The following COL25A1 variants were observed in gnomAD, a reference collection of about 807,000 sequenced individuals.
COL25A1 encodes collagen type XXV alpha 1 chain, also known as collagen alpha-1(XXV) chain.
Under a neutral mutation model 128.4 loss-of-function variants are expected in COL25A1, and 103 were observed. The observed-to-expected ratio is 0.80, with a 90% CI of 0.68 to 0.94. The LOEUF is 0.94. Among genes scored for constraint, COL25A1 ranks in the 40% least tolerant of loss-of-function variants. The probability of loss-of-function intolerance (pLI) is 0.00; values close to 1 mark genes in which losing one functional copy is unlikely to be tolerated. For synonymous variants in COL25A1, 279 were observed against 277.2 expected (o/e 1.01, Z -0.06); for missense variants, 745 against 840.0 (o/e 0.89, Z 1.40).
In COL25A1 at chr4:109,101,265, G is replaced by A. The variant is rs1765865561; in HGVS notation, c.368-51086C>T. On this transcript the variant is annotated intron_variant, in intron 3 of 37. Transcript: ENST00000399132. ...TGTGATTTCTCCATGACAGTAATGA[G>A]AGAGGTAGAAGCTGGGGAGGAATGC... Among the ~76,000 whole-genome samples the A allele has an allele frequency of 1.3e-5, 2 of 152,198 alleles. 1 individual carries two copies. The highest frequency in any genetic ancestry group is 4.1e-4 in the South Asian group (2 of 4,826).
At chr4:108,983,236 T>C (rs1753199649) in intron 6 of COL25A1, among the ~76,000 whole-genome samples, 1 of 152,186 alleles carries the variant, frequency 6.6e-6, no homozygotes, top group Non-Finnish European at 1.5e-5. Context: ...AACTCCATGG[T>C]GAAAGACTTG....
At chr4:109,027,803 G>A (rs890135814) in intron 5 of COL25A1, among the ~76,000 whole-genome samples, 6 of 152,100 alleles carry the variant, frequency 3.9e-5, no homozygotes, top group African/African-American at 1.4e-4. Flanking sequence ...TAGAGCAGTG[G>A]AGCTGCTCTT....
rs1178486433 is a variant in COL25A1, at chr4:109,239,388, GTGTGTGTA to G, written c.367+61187_367+61194del. Among the ~76,000 whole-genome samples the G allele has an allele frequency of 1.9e-3, 169 of 90,154 alleles. No homozygotes were observed. In the East Asian group the frequency reaches 0.021, roughly 11 times the overall value. The allele number at this position is 90,154 out of a possible 152,430, so 59.1% of individuals were successfully genotyped here. A position where few individuals can be genotyped will look rare whatever the true frequency, so the allele number is the denominator to read the frequency against. On this transcript the variant is annotated intron_variant, in intron 3 of 37. Transcript: ENST00000399132. ...TATATGTGTGTGTATGTGTGTGTGT[GTGTGTGTA>G]TATATATATATATATATATATATAT... is the stretch of plus-strand genomic sequence containing the variant.
At chr4:108,829,344 AC>A (rs1173385954) in intron 32 of COL25A1, among the ~76,000 whole-genome samples, 1 of 152,098 alleles carries the variant, frequency 6.6e-6, no homozygotes, top group Non-Finnish European at 1.5e-5. Flanking sequence ...CTCTAAAAAA[AC>A]AACCAAACAA....
At chr4:109,261,187 A>T (rs953865879) in intron 3 of COL25A1, among the ~76,000 whole-genome samples, 2 of 152,192 alleles carry the variant, frequency 1.3e-5, no homozygotes, top group East Asian at 3.8e-4. Flanking sequence ...TCTAGACATT[A>T]TAAGTGATAA....
rs1241749029 is a variant in COL25A1, at chr4:108,844,541, G to A, written c.1607C>T (p.Pro536Leu). The A allele has an allele frequency of 6.2e-7, 1 of 1,613,558 alleles. No homozygotes were observed. The highest frequency in any genetic ancestry group is 1.7e-5 in the Admixed American group (1 of 59,956). The change falls in exon 30 of 38, where the codon CCC becomes CTC. Residue 536 changes from proline (P) to leucine (L), a missense_variant. Coordinates refer to ENST00000399132, the MANE Select transcript of COL25A1 (RefSeq NM_198721.4). ...TACCATGGGGCCAGGTGGGCCATGG[G>A]GACCTGGTGGGCCTGGTGGGCCTAT... Reference protein sequence around the residue: ...SIIGPPGPPGPHGPPGPMGPH... With the variant: ...SIIGPPGPPGLHGPPGPMGPH...
chr4:109,164,753 T>C (rs1772908790), intron 3 of COL25A1, among the ~76,000 whole-genome samples: 1 of 152,178 alleles, frequency 6.6e-6, no homozygotes, highest in South Asian at 2.1e-4. Flanking sequence ...TATGAGAATG[T>C]TTTTGTTCTT....
intron 3 of COL25A1, among the ~76,000 whole-genome samples, chr4:109,281,719 G>A (rs2126275590): frequency 6.6e-6 from 1 of 152,186 alleles, no homozygotes; most frequent in South Asian, 2.1e-4. Context: ...AACAGAAAAA[G>A]CCACTTCCAA....
At chr4:108,974,499 T>TAG in intron 7 of COL25A1, 34 bp downstream of exon 7, 1 of 1,610,274 alleles carries the variant, frequency 6.2e-7, no homozygotes, top group Non-Finnish European at 8.5e-7. Flanking sequence ...ATATGGATCT[T>TAG]CACTAACTTT....
At chr4:109,270,629 T>C (rs1470747038) in intron 3 of COL25A1, among the ~76,000 whole-genome samples, 2 of 152,238 alleles carry the variant, frequency 1.3e-5, no homozygotes, top group Admixed American at 1.3e-4. Flanking sequence ...ACTTGGTTAC[T>C]TCTCCACTCT....
Position 108,810,360 on chromosome 4 carries a change from T to C in COL25A1, c.*3567A>G, listed in dbSNP as rs1268208927. The C allele has an allele frequency of 2.0e-5, 3 of 151,962 alleles. No homozygotes were observed. Among genetic ancestry groups the C allele is most frequent in the African/African-American group, 4.8e-5 (2 of 41,442 alleles). The allele number at this position is 151,962 out of a possible 1,614,324, so 9.4% of individuals were successfully genotyped here. A position where few individuals can be genotyped will look rare whatever the true frequency, so the allele number is the denominator to read the frequency against. On this transcript the variant is annotated 3_prime_UTR_variant, in exon 38 of 38. Transcript: ENST00000399132. ...ACAAAGGACATGTAGTATAAACTAG[T>C]TGATGTGTAAGTTCTTGCTGTCCCA...
intron 13 of COL25A1, among the ~76,000 whole-genome samples, chr4:108,901,905 G>A (rs1742893511): frequency 6.6e-6 from 1 of 151,986 alleles, no homozygotes; most frequent in Non-Finnish European, 1.5e-5. Flanking sequence ...TCCCTGAAGT[G>A]CCCAGAAACA....
intron 11 of COL25A1, among the ~76,000 whole-genome samples, chr4:108,928,318 G>T (rs1482085877): frequency 6.6e-6 from 1 of 152,048 alleles, no homozygotes; most frequent in Non-Finnish European, 1.5e-5. Context: ...ATAATATATA[G>T]TCATATCCTA....
chr4:108,995,893 A>G (rs1754722722), intron 6 of COL25A1, among the ~76,000 whole-genome samples: 1 of 152,178 alleles, frequency 6.6e-6, no homozygotes, highest in African/African-American at 2.4e-5. Flanking sequence ...AGGAGAAATA[A>G]AATCCCTTAC....
intron 11 of COL25A1, among the ~76,000 whole-genome samples, chr4:108,930,358 C>T (rs1223643095): frequency 1.3e-5 from 2 of 152,132 alleles, no homozygotes; most frequent in African/African-American, 4.8e-5. Flanking sequence ...CCCTACCACC[C>T]CACCCAGCCA....
intron 3 of COL25A1, among the ~76,000 whole-genome samples, chr4:109,180,849 C>A (rs532738970): frequency 6.6e-6 from 1 of 152,162 alleles, no homozygotes; most frequent in South Asian, 2.1e-4. Flanking sequence ...TATTCATTGG[C>A]TAATTATTTA....
At chr4:109,259,717 G>C (rs1781306451) in intron 3 of COL25A1, among the ~76,000 whole-genome samples, 1 of 152,182 alleles carries the variant, frequency 6.6e-6, no homozygotes, top group Non-Finnish European at 1.5e-5. Context: ...ATATATTCAT[G>C]TTTATATTTC....
chr4:109,007,836 C>T (rs1756180505), intron 6 of COL25A1, among the ~76,000 whole-genome samples: 1 of 152,148 alleles, frequency 6.6e-6, no homozygotes, highest in African/African-American at 2.4e-5. Flanking sequence ...TCATTCTTAG[C>T]CACCATCATC....
chr4:109,061,152 C>G (rs992631039), intron 3 of COL25A1, among the ~76,000 whole-genome samples: 4 of 152,176 alleles, frequency 2.6e-5, no homozygotes, highest in Non-Finnish European at 5.9e-5. Flanking sequence ...TTTGCCTAAT[C>G]CTTGGTCTTT....
Sources: gnomAD v4.1 joint callset for allele counts (sites outside exome capture counted in the v4.1 genomes callset) on GRCh38, gnomAD v4.1.1 for gene constraint, MANE v1.5 for transcripts, NCBI Gene and HGNC (gene_info 2026-07-23, HGNC 2026-07-21) for gene names.